The following DNAAF4 variants were observed in gnomAD, a reference collection of about 807,000 sequenced individuals.
DNAAF4 encodes the protein dynein axonemal assembly factor 4, also known as dynein assembly factor 4, axonemal.
A neutral mutation model predicts 51.8 loss-of-function variants in DNAAF4; 43 were observed. The ratio of observed to expected loss-of-function variants is 0.83; its 90% CI spans 0.65 to 1.07. The LOEUF is 1.07. Among genes scored for constraint, DNAAF4 ranks in the 50% least tolerant of loss-of-function variants. DNAAF4 has a pLI of 0.00. For synonymous variants in DNAAF4, 194 were observed against 165.6 expected, an observed-to-expected ratio of 1.17 and a Z score of -1.32; for missense variants, 581 against 493.0, an observed-to-expected ratio of 1.18 and a Z score of -1.69.
chr15:55,483,086 CTTTA>C (rs565743327), intron 4 of DNAAF4, among the ~76,000 whole-genome samples: 9 of 151,782 alleles, frequency 5.9e-5, no homozygotes, highest in Non-Finnish European at 1.2e-4. Context: ...AAATAGGGCT[CTTTA>C]TTTATTTATT....
chr15:55,428,365 C>T (rs1361447026), downstream of DNAAF4, among the ~76,000 whole-genome samples: 1 of 151,658 alleles, frequency 6.6e-6, no homozygotes, highest in Non-Finnish European at 1.5e-5. Flanking sequence ...TTTGTTTAAA[C>T]TATACACTAA....
intron 4 of DNAAF4, among the ~76,000 whole-genome samples, chr15:55,477,268 A>C (rs753018002): frequency 1.3e-5 from 2 of 152,190 alleles, no homozygotes; most frequent in Non-Finnish European, 2.9e-5. Context: ...TAAAGATGGT[A>C]AGTTGTATGT....
chr15:55,469,412 C>G (rs771588949), intron 4 of DNAAF4, among the ~76,000 whole-genome samples: 6 of 150,238 alleles, frequency 4.0e-5, no homozygotes, highest in Non-Finnish European at 8.9e-5. Flanking sequence ...TATATACTCT[C>G]ACAACACTCC....
At position 55,485,514 on chromosome 15, in the gene DNAAF4, T is replaced by C. The variant is rs113977420; in HGVS notation, c.405+5609A>G. Among the ~76,000 whole-genome samples, 1,239 of 151,864 alleles carry C rather than the reference T, an allele frequency of 8.2e-3. 18 individuals are homozygous for C. The highest frequency in any genetic ancestry group is 0.029 in the African/African-American group (1,193 of 41,512). The stretch of plus-strand genomic sequence containing the variant: ...GGCAAACCTCTTTCAAAGATTAAGG[T>C]TTCTGGGTTTCAACTTTAAGAAACC... On this transcript the variant is annotated intron_variant, in intron 4 of 9. Coordinates refer to ENST00000321149, the MANE Select transcript of DNAAF4 (RefSeq NM_130810.4).
intron 5 of DNAAF4, among the ~76,000 whole-genome samples, chr15:55,462,355 G>T (rs1454031677): frequency 1.3e-5 from 2 of 152,006 alleles, no homozygotes; most frequent in East Asian, 3.9e-4. Context: ...ACCACACCCT[G>T]CTAATTTTTG....
At chr15:55,505,465 A>G (rs2058721968) in intron 1 of DNAAF4, among the ~76,000 whole-genome samples, 1 of 152,200 alleles carries the variant, frequency 6.6e-6, no homozygotes, top group African/African-American at 2.4e-5. Flanking sequence ...ACACATGCAC[A>G]CGTATGTTTA....
At chr15:55,456,117 T>C (rs2058016524) in intron 5 of DNAAF4, among the ~76,000 whole-genome samples, 2 of 151,784 alleles carry the variant, frequency 1.3e-5, no homozygotes, top group African/African-American at 4.8e-5. Flanking sequence ...TTCACTCTTG[T>C]TGCCCAGGCT....
At chr15:55,445,745 A>C (rs1442013248) in intron 6 of DNAAF4, among the ~76,000 whole-genome samples, 422 of 99,154 alleles carry the variant, frequency 4.3e-3, no homozygotes, top group East Asian at 5.4e-3. Context: ...GGCGGCCGGG[A>C]AGAGGCGCTC....
intron 5 of DNAAF4, among the ~76,000 whole-genome samples, chr15:55,461,396 C>A (rs1287950083): frequency 6.6e-6 from 1 of 152,028 alleles, no homozygotes; most frequent in Non-Finnish European, 1.5e-5. Context: ...ACGCCCAGCC[C>A]ATCTCAGTAA....
At chr15:55,426,995 G>A (rs547654883), downstream of DNAAF4, among the ~76,000 whole-genome samples, 17 of 152,134 alleles carry the variant, frequency 1.1e-4, no homozygotes, top group African/African-American at 3.6e-4. Flanking sequence ...ATTAAGACAC[G>A]GAAATTGCAA....
intron 4 of DNAAF4, among the ~76,000 whole-genome samples, chr15:55,478,725 A>G (rs2058368780): frequency 6.6e-6 from 1 of 152,210 alleles, no homozygotes; most frequent in South Asian, 2.1e-4. Context: ...GAAATGACAA[A>G]GGTTACAATG....
chr15:55,445,229 G>A (rs983949662), intron 6 of DNAAF4, among the ~76,000 whole-genome samples: 1 of 151,770 alleles, frequency 6.6e-6, no homozygotes, highest in Non-Finnish European at 1.5e-5. Flanking sequence ...TGAGATTAGG[G>A]AGTGGTGATG....
intron 9 of DNAAF4, among the ~76,000 whole-genome samples, chr15:55,431,741 G>A (rs2057499079): frequency 6.6e-6 from 1 of 151,438 alleles, no homozygotes; most frequent in Non-Finnish European, 1.5e-5. Context: ...GCCTCCCAAA[G>A]TGCTGAGATT....
At chr15:55,466,884 C>T in intron 5 of DNAAF4, 46 bp downstream of exon 5, 3 of 1,572,254 alleles carry the variant, frequency 1.9e-6, no homozygotes, top group Non-Finnish European at 2.6e-6. Context: ...GTCATATATA[C>T]TTCACCAACA....
intron 1 of DNAAF4, among the ~76,000 whole-genome samples, chr15:55,506,074 G>T (rs774652717): frequency 1.5e-4 from 23 of 152,090 alleles, no homozygotes; most frequent in Non-Finnish European, 2.6e-4. Context: ...TCTCAGCTTG[G>T]TATTCTATGA....
intron 6 of DNAAF4, 95 bp from the exon 7 acceptor site, chr15:55,439,676 T>C: frequency 1.9e-6 from 2 of 1,029,514 alleles, no homozygotes; most frequent in Non-Finnish European, 2.8e-6. Context: ...TGGATTGAAA[T>C]ATTATTTGCT....
At chr15:55,439,754 T>C (rs979606463) in intron 6 of DNAAF4, among the ~76,000 whole-genome samples, 173 bp from the exon 7 acceptor site, 7 of 152,150 alleles carry the variant, frequency 4.6e-5, no homozygotes, top group Non-Finnish European at 7.3e-5. Flanking sequence ...TAACCATCAA[T>C]GTGAATCGGT....
chr15:55,423,582 T>G (rs1028659948), intron 7 of DNAAF4, among the ~76,000 whole-genome samples: 1 of 152,158 alleles, frequency 6.6e-6, no homozygotes, highest in African/African-American at 2.4e-5. Context: ...TTTTGAGAAC[T>G]GCTGACCTAC....
At chr15:55,433,788 T>TAC (rs2057538052) in intron 8 of DNAAF4, among the ~76,000 whole-genome samples, 1 of 104,536 alleles carries the variant, frequency 9.6e-6, no homozygotes, top group African/African-American at 3.7e-5. Flanking sequence ...ATAAAACAAA[T>TAC]ATATATATTT....
Sources: allele counts gnomAD v4.1 joint callset (sites outside exome capture counted in the v4.1 genomes callset), GRCh38; gene constraint gnomAD v4.1.1; transcripts MANE v1.5; gene names NCBI Gene and HGNC (gene_info 2026-07-23, HGNC 2026-07-21).